Variants in PRELID3B observed in about 807,000 individuals in gnomAD.
PRELID3B encodes the protein PRELI domain containing 3B.
In PRELID3B, 15 loss-of-function variants were observed where a neutral mutation model predicts 24.0. The observed-to-expected ratio is 0.63, with a 90% confidence interval of 0.42 to 0.96. The LOEUF is 0.96. Among genes scored for constraint, PRELID3B ranks in the 40% least tolerant of loss-of-function variants. The probability of loss-of-function intolerance (pLI) is 0.00; values close to 1 mark genes in which losing one functional copy is unlikely to be tolerated. For synonymous variants in PRELID3B, 62 were observed against 76.0 expected, an observed-to-expected ratio of 0.82 and a Z score of 0.96; for missense variants, 189 against 236.0, an observed-to-expected ratio of 0.80 and a Z score of 1.30.
At chr20:59,038,655 A>C in intron 1 of PRELID3B, 21 bp from the exon 2 acceptor site, 2 of 1,503,708 alleles carry the variant, frequency 1.3e-6, no homozygotes, top group Non-Finnish European at 1.8e-6. Flanking sequence ...GAACCAAAAA[A>C]AAAAAAAAAA....
intron 5 of PRELID3B, among the ~76,000 whole-genome samples, chr20:59,036,096 AG>A (rs900579432): frequency 2.0e-5 from 3 of 152,196 alleles, no homozygotes; most frequent in Admixed American, 2.0e-4. Flanking sequence ...CAGTGAAAAA[AG>A]GTTGAGAAAC....
intron 5 of PRELID3B, among the ~76,000 whole-genome samples, 195 bp downstream of exon 5, chr20:59,036,276 G>A (rs1237892589): frequency 6.6e-6 from 1 of 152,126 alleles, no homozygotes; most frequent in African/African-American, 2.4e-5. Context: ...TAACTTAGTT[G>A]CCCAAGGTTA....
intron 3 of PRELID3B, 103 bp downstream of exon 3, chr20:59,037,088 T>G: frequency 1.2e-6 from 1 of 863,092 alleles, no homozygotes; most frequent in Non-Finnish European, 1.9e-6. Flanking sequence ...AGGGATTCTC[T>G]GAACCACATC....
At position 59,037,371 on chromosome 20, in the gene PRELID3B, A is replaced by T. The variant is rs1407168620; in HGVS notation, c.202-91T>A. On this transcript the variant is annotated intron_variant, in intron 2 of 5. Transcript: ENST00000355937. ...TTATTTGAAGGAAAAAATGTGTTAC[A>T]ATATTTTGAACCAAAAATCTGTTTT... 3 of 1,005,290 alleles carry T rather than the reference A, an allele frequency of 3.0e-6. No individual in the cohort carries two copies. The Admixed American group carries it at 5.9e-5, about 20-fold the overall frequency. The allele number at this position is 1,005,290 out of a possible 1,614,324, so 62.3% of individuals were successfully genotyped here.
intron 1 of PRELID3B, among the ~76,000 whole-genome samples, chr20:59,041,051 AAG>A (rs1221811887): frequency 1.3e-5 from 2 of 152,200 alleles, no homozygotes; most frequent in Non-Finnish European, 2.9e-5. Flanking sequence ...CAAAGGCAGA[AAG>A]AGTGTAGAGG....
chr20:59,035,202 A>T (rs1180767294), intron 5 of PRELID3B, 76 bp from the exon 6 acceptor site: 6 of 1,379,566 alleles, frequency 4.3e-6, no homozygotes, highest in Non-Finnish European at 5.9e-6. Context: ...CACACCAGGA[A>T]GTAACAAGGG....
intron 5 of PRELID3B, 66 bp downstream of exon 5, chr20:59,036,405 T>C (rs985861423): frequency 1.6e-6 from 2 of 1,239,996 alleles, no homozygotes; most frequent in Non-Finnish European, 2.4e-6. Flanking sequence ...ACACATGCAG[T>C]CAGCACCCCA....
At chr20:59,036,602 A>G (rs747760318) in intron 4 of PRELID3B, 29 bp from the exon 5 acceptor site, 1 of 1,596,634 alleles carries the variant, frequency 6.3e-7, no homozygotes, top group Non-Finnish European at 8.6e-7. Flanking sequence ...ACACAGGTTC[A>G]GATGACCCAG....
intron 5 of PRELID3B, 84 bp downstream of exon 5, chr20:59,036,387 A>T: frequency 2.9e-6 from 3 of 1,041,006 alleles, no homozygotes; most frequent in South Asian, 1.3e-5. Context: ...GGGTCAGCTT[A>T]CAAGGACACA....
At chr20:59,042,265 GA>G (rs952610345) in intron 1 of PRELID3B, among the ~76,000 whole-genome samples, 3 of 152,246 alleles carry the variant, frequency 2.0e-5, no homozygotes, top group Admixed American at 6.5e-5. Context: ...GGCGGCCAGG[GA>G]AAGTACACTC....
At chr20:59,036,994 T>C (rs1291032970) in intron 3 of PRELID3B, among the ~76,000 whole-genome samples, 197 bp downstream of exon 3, 1 of 152,226 alleles carries the variant, frequency 6.6e-6, no homozygotes, top group African/African-American at 2.4e-5. Flanking sequence ...TATTGAGTGC[T>C]ATCCCCTTAG....
chr20:59,037,011 G>C lies in PRELID3B; in HGVS notation c.291+180C>G, dbSNP rs183607633. Among the ~76,000 whole-genome samples the C allele has an allele frequency of 3.4e-3, 518 of 152,274 alleles. 2 individuals are homozygous for C. The highest frequency in any genetic ancestry group is 0.012 in the African/African-American group (498 of 41,546). On this transcript the variant is annotated intron_variant, in intron 3 of 5. Coordinates refer to ENST00000355937, the MANE Select transcript of PRELID3B (RefSeq NM_016045.3). The stretch of plus-strand genomic sequence containing the variant: ...TTGAGTGCTATCCCCTTAGAGATAG[G>C]CAAGATCATGAGAGCAGGAAGGGTA...
intron 2 of PRELID3B, 156 bp from the exon 3 acceptor site, chr20:59,037,436 C>T: frequency 1.4e-6 from 1 of 693,466 alleles, no homozygotes; most frequent in Non-Finnish European, 2.6e-6. Flanking sequence ...AGAAAGGAGG[C>T]CTATTCACAT....
In PRELID3B at chr20:59,040,289, G is replaced by A. The variant is rs1367841814; in HGVS notation, c.33-1655C>T. Among the ~76,000 whole-genome samples the A allele has an allele frequency of 6.6e-6, 1 of 152,172 alleles. No individual in the cohort carries two copies. The highest frequency in any genetic ancestry group is 1.5e-5 in the Non-Finnish European group (1 of 68,048). On this transcript the variant is annotated intron_variant, in intron 1 of 5. Transcript: ENST00000355937. This position sits in a 1 kb window ranked among gnomAD's most constrained non-coding sequence, Gnocchi z 4.1. The stretch of plus-strand genomic sequence containing the variant: ...AATCTTCCAGCAATTAATCTGAGCT[G>A]TATTAACATAATTACGTGGAAAAGA...
chr20:59,039,149 C>G (rs937693516), intron 1 of PRELID3B, among the ~76,000 whole-genome samples: 1 of 152,168 alleles, frequency 6.6e-6, no homozygotes, highest in Admixed American at 6.5e-5. Flanking sequence ...TGAACTTTCC[C>G]TTCATTTTAA....
chr20:59,042,258 G>A (rs1355856282), intron 1 of PRELID3B, among the ~76,000 whole-genome samples: 2 of 152,200 alleles, frequency 1.3e-5, no homozygotes, highest in Non-Finnish European at 2.9e-5. Context: ...CCCAAACGGC[G>A]GCCAGGGAAA....
rs755782969 is a variant in PRELID3B at position 59,040,733 on chromosome 20, C to T, written c.32+1966G>A. On this transcript the variant is annotated intron_variant, in intron 1 of 5. Coordinates refer to ENST00000355937, the MANE Select transcript of PRELID3B (RefSeq NM_016045.3). The surrounding 1 kb of genome is among the most constrained non-coding windows in gnomAD (Gnocchi z 4.1). The stretch of plus-strand genomic sequence containing the variant: ...CTGAGTTTTAAGGGCCTGTGGGACA[C>T]GAGGGTAGCAATGCCTAACAGGCAC... Among the ~76,000 whole-genome samples the T allele has an allele frequency of 6.6e-6, 1 of 152,122 alleles. No individual in the cohort carries two copies. Among genetic ancestry groups the T allele is most frequent in the Non-Finnish European group, 1.5e-5 (1 of 68,036 alleles).
chr20:59,036,209 A>G (rs370581308), intron 5 of PRELID3B, among the ~76,000 whole-genome samples: 1 of 152,278 alleles, frequency 6.6e-6, no homozygotes, highest in East Asian at 1.9e-4. Flanking sequence ...CTCCACGCCA[A>G]CCCTGTAAAA....
At position 59,038,628 on chromosome 20, in the gene PRELID3B, CG is replaced by C; in HGVS notation, c.38del (p.Pro13ArgfsTer17). 1 of 1,573,230 alleles carries C rather than the reference CG, an allele frequency of 6.4e-7. No individual in the cohort carries two copies. Among genetic ancestry groups the C allele is most frequent in the Non-Finnish European group, 8.6e-7 (1 of 1,163,140 alleles). The stretch of plus-strand genomic sequence containing the variant: ...TTGCAGCTGTTGTAACAGTTTCCCA[CG>C]GGTGGCTGCCGATGTGAACCAAAAA... ...IWTSEHVFDH[P>X]WETVTTAAMQ... On this transcript the variant is annotated frameshift_variant, in exon 2 of 6. Coordinates refer to ENST00000355937, the MANE Select transcript of PRELID3B (RefSeq NM_016045.3). LOFTEE classifies it high-confidence loss of function.
Sources: gnomAD v4.1 joint callset for allele counts (sites outside exome capture counted in the v4.1 genomes callset) on GRCh38, gnomAD v4.1.1 for gene constraint, Gnocchi (gnomAD v3.1) non-coding constraint, MANE v1.5 for transcripts, NCBI Gene and HGNC (gene_info 2026-07-23, HGNC 2026-07-21) for gene names.